PCNP: variants seen among roughly 807,000 people sequenced by gnomAD.
The protein encoded by PCNP is PEST proteolytic signal containing nuclear protein.
PCNP carries 6 observed loss-of-function variants against 21.8 expected under a neutral mutation model. The observed-to-expected ratio is 0.28, with a 90% CI of 0.15 to 0.54. PCNP has a LOEUF of 0.54. PCNP is among the 20% of genes least tolerant of loss of function. The pLI, the probability that PCNP is intolerant of heterozygous loss-of-function variation, is 0.95. For missense variants in PCNP, 161 were observed against 215.5 expected (o/e 0.75, Z 1.58); for synonymous variants, 67 against 73.2 (o/e 0.92, Z 0.43).
intron 1 of PCNP, chr3:101,576,770 T>C (rs1934926926): frequency 3.7e-6 from 6 of 1,611,582 alleles, no homozygotes; most frequent in Non-Finnish European, 5.1e-6. Flanking sequence ...TCATCATCAG[T>C]GAGTTCTCCC....
At position 101,586,170 on chromosome 3, in the gene PCNP, C is replaced by CA. The variant is rs10529220; in HGVS notation, c.354+686dup. Among the ~76,000 whole-genome samples, 927 of 97,496 alleles carry CA rather than the reference C, an allele frequency of 9.5e-3. 40 individuals are homozygous for CA. The highest frequency in any genetic ancestry group is 0.034 in the African/African-American group (813 of 23,802). 64.0% of individuals were successfully genotyped at this position (97,496 alleles called of 152,430 possible). A position where few individuals can be genotyped will look rare whatever the true frequency, so the allele number is the denominator to read the frequency against. ...TGGGCAACAGAGCTAGTCTCTGTCT[C>CA]AAAAAAAAAAAAAAAAAAAAAAAAA... On this transcript the variant is annotated intron_variant, in intron 3 of 4. Transcript: ENST00000265260.
chr3:101,574,791 G>A (rs1934772329), intron 1 of PCNP: 1 of 153,268 alleles, frequency 6.5e-6, no homozygotes, highest in African/African-American at 2.4e-5. Flanking sequence ...TTTTCACTGA[G>A]GAGGTGGACA....
rs186467270 is a variant in PCNP, at chr3:101,593,957, A to G, written c.*1204A>G. ...TTTGTATTGTATATGAACTTTTTTTAAATGTGACAGTTAAACACATCTTTA... is the reference window on the plus strand; with the variant it reads ...TTTGTATTGTATATGAACTTTTTTTGAATGTGACAGTTAAACACATCTTTA... On this transcript the variant is annotated 3_prime_UTR_variant, in exon 5 of 5. Coordinates refer to ENST00000265260, the MANE Select transcript of PCNP (RefSeq NM_020357.3). The G allele has an allele frequency of 1.3e-5, 2 of 152,712 alleles. No homozygotes were observed. The highest frequency in any genetic ancestry group is 1.3e-4 in the Admixed American group (2 of 15,294). 9.5% of individuals were successfully genotyped at this position (152,712 alleles called of 1,614,324 possible).
intron 3 of PCNP, among the ~76,000 whole-genome samples, chr3:101,587,109 G>A (rs1288379807): frequency 1.3e-5 from 2 of 152,056 alleles, no homozygotes; most frequent in African/African-American, 4.8e-5. Flanking sequence ...TATTAGCCGG[G>A]CGTAGTGGTG....
intron 3 of PCNP, among the ~76,000 whole-genome samples, chr3:101,586,027 C>T (rs1218759769): frequency 1.3e-5 from 2 of 151,944 alleles, no homozygotes; most frequent in Non-Finnish European, 1.5e-5. Flanking sequence ...AAAAATTAGA[C>T]AGGCGTGGTG....
intron 2 of PCNP, among the ~76,000 whole-genome samples, chr3:101,582,399 C>T (rs530078599): frequency 1.3e-5 from 2 of 152,132 alleles, no homozygotes; most frequent in South Asian, 2.1e-4. Flanking sequence ...TGCAGTGAGC[C>T]AAGATTGTGC....
In PCNP at chr3:101,574,203, C is replaced by A. The variant is rs773814448; in HGVS notation, c.-13C>A. 3 of 1,549,400 alleles carry A rather than the reference C, an allele frequency of 1.9e-6. No individual in the cohort carries two copies. Among genetic ancestry groups the A allele is most frequent in the Admixed American group, 2.0e-5 (1 of 50,754 alleles). ...TCCTTGGCGTGGCTGCAGGGGAGGC[C>A]GCGGCGGGGAAAATGGCGGACGGGA... is the stretch of plus-strand genomic sequence containing the variant. On this transcript the variant is annotated 5_prime_UTR_variant, in exon 1 of 5. Transcript: ENST00000265260.
At chr3:101,587,200 A>G (rs1935574049) in intron 3 of PCNP, among the ~76,000 whole-genome samples, 1 of 152,066 alleles carries the variant, frequency 6.6e-6, no homozygotes, top group African/African-American at 2.4e-5. Context: ...CAGTGAGCCA[A>G]GATCGTGCCA....
chr3:101,590,320 C>T (rs1935740068), intron 4 of PCNP, 50 bp downstream of exon 4: 1 of 951,260 alleles, frequency 1.1e-6, no homozygotes, highest in South Asian at 1.4e-5. Context: ...GGTGAATTAA[C>T]AAAAATAACT....
intron 3 of PCNP, among the ~76,000 whole-genome samples, chr3:101,588,464 C>A (rs2108289744): frequency 6.6e-6 from 1 of 152,180 alleles, no homozygotes; most frequent in South Asian, 2.1e-4. Context: ...GATAAACTGT[C>A]TCATAGATTT....
intron 4 of PCNP, among the ~76,000 whole-genome samples, chr3:101,590,520 A>C (rs924016534): frequency 2.0e-5 from 3 of 152,214 alleles, no homozygotes; most frequent in African/African-American, 7.2e-5. Flanking sequence ...CCAGTTAAAG[A>C]AAATGAGTAT....
Position 101,592,980 on chromosome 3 carries a change from T to C in PCNP, c.*227T>C, listed in dbSNP as rs1385814977. Reference sequence around the variant, plus strand: ...TAATTTTGTAGTTTCATGTGATTAGTTTCCAAAGGTTACAGATAATAAAGA... The same window carrying C: ...TAATTTTGTAGTTTCATGTGATTAGCTTCCAAAGGTTACAGATAATAAAGA... On this transcript the variant is annotated 3_prime_UTR_variant, in exon 5 of 5. Transcript: ENST00000265260. 1 of 313,704 alleles carries C rather than the reference T, an allele frequency of 3.2e-6. No homozygotes were observed. Among genetic ancestry groups the C allele is most frequent in the African/African-American group, 2.2e-5 (1 of 46,196 alleles). The allele number at this position is 313,704 out of a possible 1,614,324, so 19.4% of individuals were successfully genotyped here. A position where few individuals can be genotyped will look rare whatever the true frequency, so the allele number is the denominator to read the frequency against.
chr3:101,585,310 G>T (rs1300293987), intron 2 of PCNP, 127 bp from the exon 3 acceptor site: 4 of 584,748 alleles, frequency 6.8e-6, no homozygotes, highest in East Asian at 3.1e-5. Flanking sequence ...CAAAGTATTG[G>T]GTTCGTTACT....
At chr3:101,590,084 T>C (rs1201258596) in intron 3 of PCNP, 131 bp from the exon 4 acceptor site, 11 of 649,328 alleles carry the variant, frequency 1.7e-5, no homozygotes, top group Non-Finnish European at 2.8e-5. Context: ...AACTCACTAA[T>C]TTTCTCCTTT....
rs188842151 is a variant in PCNP at position 101,589,916 on chromosome 3, T to A, written c.355-299T>A. On this transcript the variant is annotated intron_variant, in intron 3 of 4. Coordinates refer to ENST00000265260, the MANE Select transcript of PCNP (RefSeq NM_020357.3). ...CCTCATGCGATTATGTTAGGATTTT[T>A]AAGAGATAGGACATACACAAACAAC... 167 of 277,680 alleles carry A rather than the reference T, an allele frequency of 6.0e-4. 2 individuals are homozygous for A. Among genetic ancestry groups the A allele is most frequent in the African/African-American group, 3.6e-3 (161 of 44,642 alleles). 17.2% of individuals were successfully genotyped at this position (277,680 alleles called of 1,614,324 possible).
chr3:101,586,564 G>GTGTGTGTA (rs1553771583), intron 3 of PCNP, among the ~76,000 whole-genome samples: 1 of 53,892 alleles, frequency 1.9e-5, no homozygotes, highest in Non-Finnish European at 5.6e-5. Context: ...GTGTGTGTGT[G>GTGTGTGTA]TGTGTGTGAG....
At position 101,579,889 on chromosome 3, in the gene PCNP, A is replaced by C. The variant is rs779787130; in HGVS notation, c.164A>C (p.Glu55Ala). ...CGCAGCGCTGAGAAGCGATCAGCTG[A>C]AGAAGAAGCTGCCGACCTCCCAACA... ...SSRSAEKRSA[E>A]EEAADLPTKP... The change falls in exon 2 of 5, where the codon GAA becomes GCA. Residue 55 changes from glutamate to alanine, a missense_variant. Around this residue, in one of 4 missense-constraint regions of PCNP, gnomAD observed 46 missense variants for 39.3 expected, o/e 1.17. Coordinates refer to ENST00000265260, the MANE Select transcript of PCNP (RefSeq NM_020357.3). The C allele has an allele frequency of 3.1e-6, 5 of 1,613,828 alleles. No individual in the cohort carries two copies. Among genetic ancestry groups the C allele is most frequent in the Non-Finnish European group, 4.2e-6 (5 of 1,179,818 alleles).
At chr3:101,590,062 G>T in intron 3 of PCNP, 153 bp from the exon 4 acceptor site, 1 of 621,236 alleles carries the variant, frequency 1.6e-6, no homozygotes, top group Non-Finnish European at 2.9e-6. Context: ...TTTAAATGTA[G>T]TTAAGGTAAA....
intron 1 of PCNP, chr3:101,576,581 G>A (rs1250979491): frequency 2.5e-6 from 4 of 1,610,888 alleles, no homozygotes; most frequent in Non-Finnish European, 3.4e-6. Context: ...AAGTGACGCA[G>A]CCCTCTATGG....
Sources: allele counts gnomAD v4.1 joint callset (sites outside exome capture counted in the v4.1 genomes callset), GRCh38; gene constraint gnomAD v4.1.1; regional missense constraint gnomAD v4.1.1; transcripts MANE v1.5; gene names NCBI Gene and HGNC (gene_info 2026-07-23, HGNC 2026-07-21).